COL6A5: variants seen among roughly 807,000 people sequenced by gnomAD.
The protein encoded by COL6A5 is collagen type VI alpha 5 chain, also known as collagen alpha-5(VI) chain.
COL6A5 carries 48 observed loss-of-function variants against 65.6 expected under a neutral mutation model. The observed-to-expected ratio is 0.73, with a 90% CI of 0.58 to 0.93. The LOEUF (loss-of-function observed/expected upper bound fraction) is 0.93. Among genes scored for constraint, COL6A5 ranks in the 40% least tolerant of loss-of-function variants. The pLI, the probability that COL6A5 is intolerant of heterozygous loss-of-function variation, is 0.00. For synonymous variants in COL6A5, 291 were observed against 322.8 expected, an observed-to-expected ratio of 0.90 and a Z score of 1.05; for missense variants, 914 against 928.3, an observed-to-expected ratio of 0.98 and a Z score of 0.20.
exon 1 of COL6A5, chr3:130,431,486 C>A: frequency 6.4e-7 from 1 of 1,550,942 alleles, no homozygotes; most frequent in Non-Finnish European, 8.7e-7. Context: ...GCATATCCAA[C>A]AGAGCTAGTA....
chr3:130,473,050 G>A (rs1243983176), intron 7 of COL6A5, among the ~76,000 whole-genome samples: 1 of 150,664 alleles, frequency 6.6e-6, no homozygotes, highest in Admixed American at 6.6e-5. Flanking sequence ...AAAAGAGAGA[G>A]AGAAGATAGA....
chr3:130,374,737 G>A (rs1247693843), intron 2 of COL6A5, among the ~76,000 whole-genome samples: 1 of 152,076 alleles, frequency 6.6e-6, no homozygotes, highest in Non-Finnish European at 1.5e-5. Flanking sequence ...TACAGTGTGA[G>A]CCACCATGAC....
chr3:130,359,743 G>A (rs1278492671), intron 1 of COL6A5, among the ~76,000 whole-genome samples: 1 of 152,054 alleles, frequency 6.6e-6, no homozygotes, highest in African/African-American at 2.4e-5. Flanking sequence ...CATATTTTCT[G>A]TGGCTGCTTT....
Position 130,406,030 on chromosome 3 carries a change from T to G in COL6A5, c.4380+11T>G, listed in dbSNP as rs544577378. 6.4e-6 allele frequency: 10 copies of G among 1,551,202 alleles called. No individual in the cohort carries two copies. The highest frequency in any genetic ancestry group is 5.9e-5 in the South Asian group (5 of 84,054). On this transcript the variant is annotated intron_variant and NMD_transcript_variant, in intron 15 of 41. Transcript: ENST00000312481. ...TTTTCTGGACCTAAGGTACTGGAGT[T>G]TTTTCTTAGTTTAATTTGATTTCCA...
At chr3:130,415,483 T>G (rs1201486313) in intron 22 of COL6A5, among the ~76,000 whole-genome samples, 162 bp from the exon 23 acceptor site, 1 of 152,146 alleles carries the variant, frequency 6.6e-6, no homozygotes, top group African/African-American at 2.4e-5. Context: ...CTGAGTCCAC[T>G]GGGCCTGTCC....
rs1936574256 is a variant in COL6A5, at chr3:130,395,662, G to A, written c.3568+197G>A. Among the ~76,000 whole-genome samples, 5 of 152,330 alleles carry A rather than the reference G, an allele frequency of 3.3e-5. No individual in the cohort carries two copies. The South Asian group carries it at 1.0e-3, about 32-fold the overall frequency. On this transcript the variant is annotated intron_variant and NMD_transcript_variant, in intron 8 of 41. Transcript: ENST00000312481. ...TAACTCAGCCTCCCTCAAAGACATG[G>A]AAAGGGTGCAGAGGCTAGAGGGGAC...
At chr3:130,459,428 G>C (rs1709652444) in intron 5 of COL6A5, among the ~76,000 whole-genome samples, 1 of 152,024 alleles carries the variant, frequency 6.6e-6, no homozygotes, top group South Asian at 2.1e-4. Context: ...AACTCACCTG[G>C]GAGCAGCTCT....
exon 3 of COL6A5, chr3:130,376,490 C>G (rs1161454875): frequency 6.2e-7 from 1 of 1,605,594 alleles, no homozygotes; most frequent in Non-Finnish European, 8.5e-7. Flanking sequence ...TTGGCGGGTC[C>G]CTGCAGATAG....
intron 4 of COL6A5, among the ~76,000 whole-genome samples, chr3:130,451,568 C>A (rs1190270306): frequency 6.6e-6 from 1 of 151,992 alleles, no homozygotes; most frequent in Non-Finnish European, 1.5e-5. Flanking sequence ...GTCCCAGAGC[C>A]ACTAGGTGAT....
At chr3:130,477,343 C>G (rs1362349258) in intron 7 of COL6A5, 1 of 360,464 alleles carries the variant, frequency 2.8e-6, no homozygotes, top group African/African-American at 2.1e-5. Flanking sequence ...ATCAAATTAT[C>G]ACTTTATGTT....
chr3:130,396,798 C>A, intron 8 of COL6A5, among the ~76,000 whole-genome samples: 1 of 152,222 alleles, frequency 6.6e-6, no homozygotes, highest in Non-Finnish European at 1.5e-5. Flanking sequence ...CCTTTGCAGC[C>A]ATTTGTGTTT....
intron 1 of COL6A5, among the ~76,000 whole-genome samples, chr3:130,368,543 G>C (rs71333663): frequency 6.7e-6 from 1 of 148,160 alleles, no homozygotes; most frequent in Non-Finnish European, 1.5e-5. Context: ...GTGTGTGTGA[G>C]AGAGTGTGTG....
upstream of COL6A5, among the ~76,000 whole-genome samples, chr3:130,426,912 A>G (rs959073866): frequency 6.6e-6 from 1 of 152,208 alleles, no homozygotes; most frequent in African/African-American, 2.4e-5. Flanking sequence ...AGAAGGAAAA[A>G]TAAGGTAGAA....
chr3:130,385,068 G>A, exon 5 of COL6A5: 1 of 1,550,930 alleles, frequency 6.4e-7, no homozygotes, highest in Admixed American at 2.0e-5. Flanking sequence ...ACTTATACTG[G>A]GAAAGCTCTG....
intron 1 of COL6A5, among the ~76,000 whole-genome samples, chr3:130,354,221 A>G (rs1474276827): frequency 6.6e-6 from 1 of 152,202 alleles, no homozygotes; most frequent in Non-Finnish European, 1.5e-5. Flanking sequence ...CACTAGCTGT[A>G]TAAATTGTCT....
At chr3:130,469,480 A>T in exon 6 of COL6A5, 1 of 1,605,932 alleles carries the variant, frequency 6.2e-7, no homozygotes, top group Non-Finnish European at 8.5e-7. Context: ...ATTTAATCAG[A>T]CGTAAGTCAT....
At chr3:130,354,082 CAAA>C (rs1934826952) in intron 1 of COL6A5, among the ~76,000 whole-genome samples, 2 of 113,354 alleles carry the variant, frequency 1.8e-5, no homozygotes, top group South Asian at 2.9e-4. Flanking sequence ...AAGAAAAGAA[CAAA>C]AAAAGAAAAG....
At position 130,398,131 on chromosome 3, in the gene COL6A5, T is replaced by G. The variant is rs1012082758; in HGVS notation, c.3991+20T>G. 834 of 1,189,794 alleles carry G rather than the reference T, an allele frequency of 7.0e-4. 1 individual carries two copies. In the African/African-American group the frequency reaches 9.2e-3, roughly 13 times the overall value. 73.7% of individuals were successfully genotyped at this position (1,189,794 alleles called of 1,614,324 possible). On this transcript the variant is annotated intron_variant and NMD_transcript_variant, in intron 10 of 41. Transcript: ENST00000312481. Reference sequence around the variant, plus strand: ...AAGCAGGTATTGAGTTGTTGTTGTTTTTTTTTTTTTTTTTTTTGAGATGGA... The same window carrying G: ...AAGCAGGTATTGAGTTGTTGTTGTTGTTTTTTTTTTTTTTTTTGAGATGGA...
chr3:130,360,265 T>C (rs1935063573), intron 1 of COL6A5, among the ~76,000 whole-genome samples: 1 of 152,122 alleles, frequency 6.6e-6, no homozygotes, highest in African/African-American at 2.4e-5. Flanking sequence ...GCTGAGAATA[T>C]TGTTCCTGTA....
Sources: allele counts gnomAD v4.1 joint callset (sites outside exome capture counted in the v4.1 genomes callset), GRCh38; gene constraint gnomAD v4.1.1; transcripts MANE v1.5; gene names NCBI Gene and HGNC (gene_info 2026-07-23, HGNC 2026-07-21).